The following INHBA variants were observed in gnomAD, a reference collection of about 807,000 sequenced individuals.
The protein encoded by INHBA is inhibin beta A chain.
INHBA carries 1 observed loss-of-function variant against 29.0 expected under a neutral mutation model. The ratio of observed to expected loss-of-function variants is 0.03; its 90% CI spans 0.01 to 0.16. The LOEUF (loss-of-function observed/expected upper bound fraction) is 0.16. Among genes scored for constraint, INHBA ranks in the 10% least tolerant of loss-of-function variants. The probability of loss-of-function intolerance (pLI) is 1.00; values close to 1 mark genes in which losing one functional copy is unlikely to be tolerated. For missense variants in INHBA, 376 were observed against 545.4 expected (o/e 0.69, Z 3.09); for synonymous variants, 242 against 216.8 (o/e 1.12, Z -1.02).
intron 1 of INHBA, 79 bp from the exon 2 acceptor site, chr7:41,700,596 T>C: frequency 1.1e-5 from 2 of 184,126 alleles, no homozygotes; most frequent in East Asian, 2.8e-4. Context: ...TGTAGGTTTG[T>C]GGCTGTCAGG....
At chr7:41,699,861 A>G (rs1794732809) in intron 2 of INHBA, 126 bp downstream of exon 2, 2 of 713,324 alleles carry the variant, frequency 2.8e-6, no homozygotes, top group Middle Eastern at 4.0e-4. Flanking sequence ...TCACCTAATA[A>G]CTAATAACCT....
chr7:41,690,119 T>C lies in INHBA; in HGVS notation c.812A>G (p.Lys271Arg), dbSNP rs771884298. Residue 271 changes from lysine (K) to arginine (R), a missense_variant, in exon 3 of 3, where the codon AAG becomes AGG. Around this residue, in one of 4 missense-constraint regions of INHBA, gnomAD observed 253 missense variants for 313.4 expected, o/e 0.81. Transcript: ENST00000242208. ...TGCCCCACCTTCACCTCCGCCCTTC[T>C]TTTTCCCTTCCCCCTCCTCTTCTTT... ...KKKEEEGEGK[K>R]KGGGEGGAGA... is the part of the protein sequence containing the mutation. The C allele has an allele frequency of 1.4e-5, 22 of 1,613,310 alleles. No individual in the cohort carries two copies. Among genetic ancestry groups the C allele is most frequent in the Non-Finnish European group, 1.7e-5 (20 of 1,179,896 alleles).
chr7:41,701,405 A>G (rs957945523), intron 1 of INHBA, among the ~76,000 whole-genome samples: 1 of 152,094 alleles, frequency 6.6e-6, no homozygotes, highest in Non-Finnish European at 1.5e-5. Context: ...CAATTCATTC[A>G]TATTTAAATG....
At chr7:41,691,565 A>G (rs1186302220) in intron 2 of INHBA, 2 of 152,256 alleles carry the variant, frequency 1.3e-5, no homozygotes, top group African/African-American at 2.4e-5. Context: ...CCCTTTCTCA[A>G]CTGCAGGCAG....
At chr7:41,699,844 G>T (rs1794732497) in intron 2 of INHBA, 143 bp downstream of exon 2, 1 of 638,314 alleles carries the variant, frequency 1.6e-6, no homozygotes. Flanking sequence ...CGGCTAGTCC[G>T]CTACCATCAC....
intron 2 of INHBA, among the ~76,000 whole-genome samples, chr7:41,697,366 G>T (rs118161317): frequency 6.6e-6 from 1 of 152,134 alleles, no homozygotes; most frequent in African/African-American, 2.4e-5. Context: ...ATAACAACTC[G>T]CATCAACTTT....
chr7:41,699,951 CACCCCT>C, intron 2 of INHBA, 30 bp downstream of exon 2: 2 of 226,318 alleles, frequency 8.8e-6, no homozygotes, highest in South Asian at 6.4e-5. Context: ...TCCCACCCCC[CACCCCT>C]CCCCACCCCC....
chr7:41,690,037 C>A lies in INHBA; in HGVS notation c.894G>T (p.Arg298=), dbSNP rs754442604. Residue 298 remains arginine, a synonymous_variant, in exon 3 of 3, where the codon CGG becomes CGT. Coordinates refer to ENST00000242208, the MANE Select transcript of INHBA (RefSeq NM_002192.4). Reference sequence around the variant, plus strand: ...GGCGATGAGGGTGGTCTTCAGACTGCCGGGCCTGCAGCATGAGGAAAGGTC... The same window carrying A: ...GGCGATGAGGGTGGTCTTCAGACTGACGGGCCTGCAGCATGAGGAAAGGTC... ...SHRPFLMLQA[R]QSEDHPHRRR... is the part of the protein sequence containing the mutation. 6 of 1,614,048 alleles carry A rather than the reference C, an allele frequency of 3.7e-6. No homozygotes were observed. In the East Asian group the frequency reaches 1.3e-4, roughly 36 times the overall value.
intron 2 of INHBA, among the ~76,000 whole-genome samples, chr7:41,698,343 G>A (rs2128670926): frequency 6.6e-6 from 1 of 152,286 alleles, no homozygotes; most frequent in African/African-American, 2.4e-5. Context: ...AAGGCAACTG[G>A]ATACGAGCTG....
At chr7:41,702,149 T>C (rs1794811009) in intron 1 of INHBA, among the ~76,000 whole-genome samples, 2 of 152,174 alleles carry the variant, frequency 1.3e-5, no homozygotes, top group South Asian at 4.1e-4. Context: ...AGTGTGTTCA[T>C]AGCATTACAG....
intron 2 of INHBA, among the ~76,000 whole-genome samples, chr7:41,698,738 G>A (rs1054605594): frequency 3.9e-5 from 6 of 152,144 alleles, no homozygotes; most frequent in Admixed American, 6.5e-5. Context: ...CTGCACCCCC[G>A]GAAAGATGCC....
At chr7:41,698,802 G>T (rs1794707017) in intron 2 of INHBA, among the ~76,000 whole-genome samples, 1 of 152,354 alleles carries the variant, frequency 6.6e-6, no homozygotes, top group East Asian at 1.9e-4. Flanking sequence ...CAGGTTTTCA[G>T]ATTGGAAATT....
chr7:41,700,488 T>G lies in INHBA; in HGVS notation c.-114A>C. Reference sequence around the variant, plus strand: ...TTTTTTATTTTTTTTTTTGGTGTTTTTTTTTTCCTTCTCCTCTTCAGCAAA... The same window carrying G: ...TTTTTTATTTTTTTTTTTGGTGTTTGTTTTTTCCTTCTCCTCTTCAGCAAA... On this transcript the variant is annotated 5_prime_UTR_variant, in exon 2 of 3. Coordinates refer to ENST00000242208, the MANE Select transcript of INHBA (RefSeq NM_002192.4). 1 of 1,083,978 alleles carries G rather than the reference T, an allele frequency of 9.2e-7. No homozygotes were observed. Among genetic ancestry groups the G allele is most frequent in the Non-Finnish European group, 1.2e-6 (1 of 801,670 alleles). The allele number at this position is 1,083,978 out of a possible 1,614,324, so 67.1% of individuals were successfully genotyped here. A position where few individuals can be genotyped will look rare whatever the true frequency, so the allele number is the denominator to read the frequency against.
Position 41,689,037 on chromosome 7 carries a change from G to A in INHBA, c.*613C>T. 1 of 233,232 alleles carries A rather than the reference G, an allele frequency of 4.3e-6. No homozygotes were observed. The highest frequency in any genetic ancestry group is 2.2e-5 in the African/African-American group (1 of 45,342). The allele number at this position is 233,232 out of a possible 1,614,324, so 14.4% of individuals were successfully genotyped here. On this transcript the variant is annotated 3_prime_UTR_variant, in exon 3 of 3. Transcript: ENST00000242208. Reference sequence around the variant, plus strand: ...TGCAAAAGTGGTACAGAAAAAGGAAGTGTGACCACCTGCACACGATTGTTC... The same window carrying A: ...TGCAAAAGTGGTACAGAAAAAGGAAATGTGACCACCTGCACACGATTGTTC...
intron 2 of INHBA, among the ~76,000 whole-genome samples, chr7:41,696,899 C>T (rs200157296): frequency 1.3e-5 from 2 of 152,142 alleles, no homozygotes; most frequent in Admixed American, 1.3e-4. Context: ...ACCTAGGCTA[C>T]GTGAGCACAT....
intron 2 of INHBA, among the ~76,000 whole-genome samples, chr7:41,696,030 A>C (rs935591547): frequency 1.9e-5 from 2 of 105,082 alleles, no homozygotes; most frequent in Non-Finnish European, 4.0e-5. Context: ...GACCACTATT[A>C]ATCTCTTTTC....
intron 2 of INHBA, chr7:41,692,293 T>C (rs1794541121): frequency 6.6e-6 from 1 of 152,170 alleles, no homozygotes; most frequent in African/African-American, 2.4e-5. Flanking sequence ...ATCTTAGAAC[T>C]TGCAACTCCC....
upstream of INHBA, among the ~76,000 whole-genome samples, chr7:41,704,611 A>AGTGTGTGTGTGT (rs60031309): frequency 9.9e-6 from 1 of 101,228 alleles, no homozygotes; most frequent in African/African-American, 4.0e-5. Flanking sequence ...CACACAAAGT[A>AGTGTGTGTGTGT]GTGTGTGTGT....
upstream of INHBA, among the ~76,000 whole-genome samples, chr7:41,703,368 T>C (rs1253027903): frequency 6.6e-6 from 1 of 152,168 alleles, no homozygotes; most frequent in African/African-American, 2.4e-5. Context: ...TCTCAATGAG[T>C]GTGTCCAACT....
Sources: allele counts gnomAD v4.1 joint callset (sites outside exome capture counted in the v4.1 genomes callset), GRCh38; gene constraint gnomAD v4.1.1; regional missense constraint gnomAD v4.1.1; transcripts MANE v1.5; gene names NCBI Gene and HGNC (gene_info 2026-07-23, HGNC 2026-07-21).